Variants in DOCK9 observed in about 807,000 individuals in gnomAD.
DOCK9 encodes the protein dedicator of cytokinesis protein 9.
A neutral mutation model predicts 263.3 loss-of-function variants in DOCK9; 89 were observed. The observed-to-expected ratio is 0.34, with a 90% CI of 0.28 to 0.40. The LOEUF (loss-of-function observed/expected upper bound fraction) is 0.40, where lower values mean the gene tolerates loss of function less well. DOCK9 is among the 10% of genes least tolerant of loss of function. The pLI is 1.00. For synonymous variants in DOCK9, 976 were observed against 973.1 expected (o/e 1.00, Z -0.06); for missense variants, 2,140 against 2,603.4 (o/e 0.82, Z 3.87).
Position 98,899,005 on chromosome 13 carries a change from A to G in DOCK9, c.1504-744T>C, listed in dbSNP as rs542118880. On this transcript the variant is annotated intron_variant, in intron 13 of 52. Coordinates refer to ENST00000682017, the MANE Select transcript of DOCK9 (RefSeq NM_001366683.2). ...TGATAGTGCTTTGTCATCAATGCAA[A>G]GTTTGATTGTCTCAGAGTTACAGTG... 4.6e-5 allele frequency among the ~76,000 whole-genome samples: 7 copies of G among 151,780 alleles called. No homozygotes were observed. The South Asian group carries it at 1.3e-3, about 27-fold the overall frequency.
intron 1 of DOCK9, among the ~76,000 whole-genome samples, chr13:98,985,364 T>C (rs1878214274): frequency 6.7e-6 from 1 of 150,280 alleles, no homozygotes. Context: ...TCTGGCATCC[T>C]ATTCTACTTT....
intron 1 of DOCK9, among the ~76,000 whole-genome samples, chr13:99,007,194 C>G (rs147350360): frequency 0.013 from 2,023 of 152,084 alleles, 34 homozygotes; most frequent in South Asian, 0.056. Context: ...TCAAGACCAT[C>G]CTGGCCAACA....
chr13:98,977,580 A>G (rs1875285128), intron 1 of DOCK9, among the ~76,000 whole-genome samples: 1 of 152,218 alleles, frequency 6.6e-6, no homozygotes, highest in Non-Finnish European at 1.5e-5. Flanking sequence ...ATATTCACCC[A>G]CAAAATGTCA....
intron 41 of DOCK9, 106 bp downstream of exon 41, chr13:98,831,242 A>G: frequency 1.6e-6 from 2 of 1,254,640 alleles, no homozygotes; most frequent in Non-Finnish European, 2.2e-6. Context: ...CAGATCTTGC[A>G]GTATCTTTAT....
At chr13:99,073,449 T>C (rs895351404) in intron 1 of DOCK9, among the ~76,000 whole-genome samples, 3 of 151,004 alleles carry the variant, frequency 2.0e-5, no homozygotes, top group African/African-American at 7.3e-5. Context: ...ATGAAGGCTT[T>C]TCTTTCGGCC....
At chr13:98,979,366 G>C (rs1006339839), upstream of DOCK9, among the ~76,000 whole-genome samples, 2 of 151,822 alleles carry the variant, frequency 1.3e-5, no homozygotes, top group African/African-American at 4.9e-5. Context: ...ACAGGTAAAA[G>C]TCTCCCACTT....
In DOCK9 at chr13:98,867,909, G is replaced by C. The variant is rs768078706; in HGVS notation, c.3174+19C>G. On this transcript the variant is annotated intron_variant, in intron 29 of 52. Coordinates refer to ENST00000682017, the MANE Select transcript of DOCK9 (RefSeq NM_001366683.2). Reference sequence around the variant, plus strand: ...GGCTACATGGTGACTTCTGTTACCAGTAACAACCCCCGCACTACCTTTGGG... The same window carrying C: ...GGCTACATGGTGACTTCTGTTACCACTAACAACCCCCGCACTACCTTTGGG... 1.9e-6 allele frequency: 3 copies of C among 1,608,646 alleles called. No homozygotes were observed. The highest frequency in any genetic ancestry group is 2.5e-6 in the Non-Finnish European group (3 of 1,176,532).
At position 98,803,761 on chromosome 13, in the gene DOCK9, G is replaced by A. The variant is rs1180617446; in HGVS notation, c.5725+1238C>T. Among the ~76,000 whole-genome samples, 8 of 152,254 alleles carry A rather than the reference G, an allele frequency of 5.3e-5. No individual in the cohort carries two copies. In the East Asian group the frequency reaches 1.3e-3, roughly 26 times the overall value. ...ATAATTAAATTATTTGGGGTGGGGT[G>A]ATGTTTGTGAGGACAATATTATTTG... is the stretch of plus-strand genomic sequence containing the variant. On this transcript the variant is annotated intron_variant, in intron 49 of 52. Transcript: ENST00000682017.
intron 39 of DOCK9, among the ~76,000 whole-genome samples, chr13:98,836,189 C>T (rs1305872936): frequency 2.0e-5 from 3 of 152,140 alleles, no homozygotes; most frequent in Admixed American, 1.3e-4. Flanking sequence ...CATGATACTG[C>T]TCTGCAGCTC....
At chr13:98,904,190 T>C (rs1266573079) in intron 10 of DOCK9, among the ~76,000 whole-genome samples, 1 of 152,220 alleles carries the variant, frequency 6.6e-6, no homozygotes, top group African/African-American at 2.4e-5. Flanking sequence ...TATAGACATA[T>C]AAACACACAT....
chr13:98,966,572 A>G (rs2141240352), intron 1 of DOCK9, among the ~76,000 whole-genome samples: 1 of 152,366 alleles, frequency 6.6e-6, no homozygotes, highest in East Asian at 1.9e-4. Context: ...GGTCAGTAAA[A>G]ACAATTTTGG....
intron 1 of DOCK9, among the ~76,000 whole-genome samples, chr13:99,085,287 AC>A (rs1489407597): frequency 1.3e-5 from 2 of 152,054 alleles, no homozygotes; most frequent in African/African-American, 4.8e-5. Context: ...AGTCACACCC[AC>A]CCACAAACAA....
intron 32 of DOCK9, among the ~76,000 whole-genome samples, chr13:98,860,788 C>T (rs2093843630): frequency 1.3e-5 from 2 of 152,138 alleles, no homozygotes; most frequent in South Asian, 2.1e-4. Context: ...CTTTCCCCAG[C>T]GTTGCTAACA....
chr13:99,027,319 C>A (rs1037954591), intron 1 of DOCK9, among the ~76,000 whole-genome samples: 1 of 152,138 alleles, frequency 6.6e-6, no homozygotes, highest in Non-Finnish European at 1.5e-5. Flanking sequence ...CATCCGGCCT[C>A]ATTTAATCTT....
At chr13:99,020,013 A>T (rs1439930631) in intron 1 of DOCK9, among the ~76,000 whole-genome samples, 1 of 152,114 alleles carries the variant, frequency 6.6e-6, no homozygotes, top group African/African-American at 2.4e-5. Flanking sequence ...GATGCAGGAG[A>T]ATCACTTGAA....
chr13:98,977,026 C>A (rs1874902876), intron 1 of DOCK9, among the ~76,000 whole-genome samples: 1 of 152,214 alleles, frequency 6.6e-6, no homozygotes, highest in Admixed American at 6.5e-5. Flanking sequence ...TGTCCCCCCT[C>A]TGCAGGGCAT....
intron 1 of DOCK9, among the ~76,000 whole-genome samples, chr13:99,065,461 A>T (rs2041374218): frequency 1.3e-5 from 2 of 152,122 alleles, no homozygotes; most frequent in Non-Finnish European, 2.9e-5. Context: ...GCATCAAGTC[A>T]ACACTCCACA....
chr13:98,887,922 A>T (rs1245823144), intron 18 of DOCK9, among the ~76,000 whole-genome samples: 5 of 152,158 alleles, frequency 3.3e-5, no homozygotes, highest in South Asian at 2.1e-4. Flanking sequence ...TTGAGTGTGT[A>T]TAAGAAACTC....
chr13:99,031,003 C>G (rs1270370780), intron 1 of DOCK9, among the ~76,000 whole-genome samples: 2 of 151,822 alleles, frequency 1.3e-5, no homozygotes, highest in Non-Finnish European at 2.9e-5. Context: ...GCCCAAAGTT[C>G]AATGCATTCA....
Sources: gnomAD v4.1 joint callset for allele counts (sites outside exome capture counted in the v4.1 genomes callset) on GRCh38, gnomAD v4.1.1 for gene constraint, MANE v1.5 for transcripts, NCBI Gene and HGNC (gene_info 2026-07-23, HGNC 2026-07-21) for gene names.